ATP1B1: variants seen among roughly 807,000 people sequenced by gnomAD.
ATP1B1 encodes ATPase Na+/K+ transporting subunit beta 1.
Under a neutral mutation model 39.6 loss-of-function variants are expected in ATP1B1, and 3 were observed. That is an observed-to-expected ratio of 0.08 (90% CI 0.03 to 0.20). The LOEUF (loss-of-function observed/expected upper bound fraction) is 0.20, where lower values mean the gene tolerates loss of function less well. Among genes scored for constraint, ATP1B1 ranks in the 10% least tolerant of loss-of-function variants. The pLI is 1.00. For synonymous variants in ATP1B1, 139 were observed against 135.0 expected, an observed-to-expected ratio of 1.03 and a Z score of -0.20; for missense variants, 216 against 371.1, an observed-to-expected ratio of 0.58 and a Z score of 3.43.
intron 2 of ATP1B1, among the ~76,000 whole-genome samples, chr1:169,123,248 G>C (rs1658018637): frequency 6.6e-6 from 1 of 152,036 alleles, no homozygotes; most frequent in African/African-American, 2.4e-5. Flanking sequence ...GTAAGCCAAG[G>C]GTGTTTAAAG....
chr1:169,132,253 G>A lies in ATP1B1; in HGVS notation c.*698G>A. 1.6e-6 allele frequency: 1 copy of A among 618,666 alleles called. No individual in the cohort carries two copies. The highest frequency in any genetic ancestry group is 2.9e-5 in the East Asian group (1 of 34,378). The allele number at this position is 618,666 out of a possible 1,614,324, so 38.3% of individuals were successfully genotyped here. A position where few individuals can be genotyped will look rare whatever the true frequency, so the allele number is the denominator to read the frequency against. ...TTGTGTTATGCTTGTATTGAATGCT[G>A]TCTTGACATCTCTTGCCTTGTCCTC... is the stretch of plus-strand genomic sequence containing the variant. On this transcript the variant is annotated 3_prime_UTR_variant, in exon 6 of 6. Coordinates refer to ENST00000367815, the MANE Select transcript of ATP1B1 (RefSeq NM_001677.4).
intron 1 of ATP1B1, chr1:169,108,115 G>A (rs1238831362): frequency 6.6e-6 from 1 of 152,138 alleles, no homozygotes; most frequent in Non-Finnish European, 1.5e-5. Context: ...CAGCCTGTGA[G>A]TCTCTCTTGA....
At chr1:169,107,076 C>T (rs746063893) in intron 1 of ATP1B1, 150 bp downstream of exon 1, 34 of 700,594 alleles carry the variant, frequency 4.9e-5, no homozygotes, top group Non-Finnish European at 7.2e-5. Flanking sequence ...GTCGCGCCGG[C>T]CTGGGCTTGC....
At chr1:169,107,504 C>T (rs996352372) in intron 1 of ATP1B1, among the ~76,000 whole-genome samples, 3 of 152,134 alleles carry the variant, frequency 2.0e-5, no homozygotes, top group Admixed American at 1.3e-4. Context: ...CATCACCACC[C>T]AGAAATGGTT....
At chr1:169,110,567 CTTTTTTTT>C in intron 1 of ATP1B1, 10 of 433,824 alleles carry the variant, frequency 2.3e-5, no homozygotes, top group East Asian at 1.2e-4. Flanking sequence ...TGTGTTGAGT[CTTTTTTTT>C]TTTTTTTTTT....
intron 1 of ATP1B1, among the ~76,000 whole-genome samples, chr1:169,108,637 A>G (rs897620505): frequency 1.3e-4 from 20 of 152,166 alleles, no homozygotes; most frequent in African/African-American, 4.8e-4. Flanking sequence ...CTTGCTTTAG[A>G]GGGTAAGGCA....
intron 2 of ATP1B1, among the ~76,000 whole-genome samples, chr1:169,117,527 C>G (rs1281826060): frequency 6.6e-6 from 1 of 152,092 alleles, no homozygotes. Context: ...GAACAGAGAC[C>G]TGATAAGTAG....
chr1:169,107,602 T>C (rs1657626884), intron 1 of ATP1B1, among the ~76,000 whole-genome samples: 1 of 152,144 alleles, frequency 6.6e-6, no homozygotes, highest in African/African-American at 2.4e-5. Context: ...CACAGACAGT[T>C]GTGGATCAGT....
rs532073848 is a variant in ATP1B1 at position 169,127,720 on chromosome 1, T to C, written c.567+312T>C. ...CTATAACATAAACTCTTTAAAAAAG[T>C]AAAAATGGAAAAATATATTTTTTCC... On this transcript the variant is annotated intron_variant, in intron 4 of 5. Transcript: ENST00000367815. Among the ~76,000 whole-genome samples the C allele has an allele frequency of 1.0e-3, 155 of 151,952 alleles. 1 individual carries two copies. Among genetic ancestry groups the C allele is most frequent in the African/African-American group, 3.5e-3 (145 of 41,440 alleles).
Position 169,131,640 on chromosome 1 carries a change from G to A in ATP1B1, c.*85G>A, listed in dbSNP as rs761596404. On this transcript the variant is annotated 3_prime_UTR_variant, in exon 6 of 6. Transcript: ENST00000367815. The surrounding 1 kb of genome is among the most constrained non-coding windows in gnomAD (Gnocchi z 4.4). ...AAAACCTACTAGTCTTGAACAAACTGTCATACGTATGGGACCTACACTTAA... is the reference window on the plus strand; with the variant it reads ...AAAACCTACTAGTCTTGAACAAACTATCATACGTATGGGACCTACACTTAA... 11 of 1,458,130 alleles carry A rather than the reference G, an allele frequency of 7.5e-6. No homozygotes were observed. Among genetic ancestry groups the A allele is most frequent in the Non-Finnish European group, 1.0e-5 (11 of 1,081,704 alleles). 90.3% of individuals were successfully genotyped at this position (1,458,130 alleles called of 1,614,324 possible).
intron 1 of ATP1B1, among the ~76,000 whole-genome samples, chr1:169,107,483 TCC>T (rs939563230): frequency 6.6e-6 from 1 of 152,084 alleles, no homozygotes; most frequent in Non-Finnish European, 1.5e-5. Context: ...CTCCATGACC[TCC>T]CCTGGAGTCA....
rs1442610738 is a variant in ATP1B1, at chr1:169,131,451, A to G, written c.808A>G (p.Thr270Ala). ...ACAGTTCACCAATCTTACCATGGAC[A>G]CTGAAATTCGCATAGAGTGTAAGGC... ...AVQFTNLTMD[T>A]EIRIECKAYG... The change falls in exon 6 of 6, where the codon ACT becomes GCT. Residue 270 changes from threonine (T) to alanine (A), a missense_variant. By Grantham distance (58) the Thr-to-Ala change is moderately conservative (BLOSUM62 0). Transcript: ENST00000367815. The surrounding 1 kb of genome is among the most constrained non-coding windows in gnomAD (Gnocchi z 4.4). 28 of 1,614,066 alleles carry G rather than the reference A, an allele frequency of 1.7e-5. No individual in the cohort carries two copies. Among genetic ancestry groups the G allele is most frequent in the Non-Finnish European group, 2.2e-5 (26 of 1,180,046 alleles).
In ATP1B1 at chr1:169,132,061, G is replaced by A; in HGVS notation, c.*506G>A. On this transcript the variant is annotated 3_prime_UTR_variant, in exon 6 of 6. Coordinates refer to ENST00000367815, the MANE Select transcript of ATP1B1 (RefSeq NM_001677.4). ...TTTTTTGTTTTTTGGCTCTTTCAAAGGTAATGGCCCATCGATGAGCATTTT... is the reference window on the plus strand; with the variant it reads ...TTTTTTGTTTTTTGGCTCTTTCAAAAGTAATGGCCCATCGATGAGCATTTT... 1 of 244,636 alleles carries A rather than the reference G, an allele frequency of 4.1e-6. No individual in the cohort carries two copies. Among genetic ancestry groups the A allele is most frequent in the Non-Finnish European group, 7.8e-6 (1 of 128,028 alleles). 15.2% of individuals were successfully genotyped at this position (244,636 alleles called of 1,614,324 possible).
Position 169,106,790 on chromosome 1 carries a change from C to G in ATP1B1, c.-40C>G, listed in dbSNP as rs933729542. On this transcript the variant is annotated 5_prime_UTR_variant, in exon 1 of 6. Coordinates refer to ENST00000367815, the MANE Select transcript of ATP1B1 (RefSeq NM_001677.4). ...ACGCCAGGGCGCGCGCCGCAGCCAC[C>G]CACCCTCCGGACCGCGGCAGCTGCT... The G allele has an allele frequency of 6.5e-7, 1 of 1,533,200 alleles. No homozygotes were observed. Among genetic ancestry groups the G allele is most frequent in the African/African-American group, 1.4e-5 (1 of 69,770 alleles). The allele number at this position is 1,533,200 out of a possible 1,614,324, so 95.0% of individuals were successfully genotyped here. A position where few individuals can be genotyped will look rare whatever the true frequency, so the allele number is the denominator to read the frequency against.
At chr1:169,123,668 C>G (rs1049191213) in intron 2 of ATP1B1, among the ~76,000 whole-genome samples, 1 of 151,054 alleles carries the variant, frequency 6.6e-6, no homozygotes, top group African/African-American at 2.4e-5. Flanking sequence ...TCTCTGTCAC[C>G]CAGACTGGAG....
chr1:169,115,620 A>G (rs2101779969), intron 2 of ATP1B1, among the ~76,000 whole-genome samples: 1 of 152,224 alleles, frequency 6.6e-6, no homozygotes, highest in South Asian at 2.1e-4. Context: ...AAGTGCTGGG[A>G]TTACAGGCGT....
rs538315994 is a variant in ATP1B1 at position 169,121,436 on chromosome 1, CT to C, written c.227-3447del. On this transcript the variant is annotated intron_variant, in intron 2 of 5. Coordinates refer to ENST00000367815, the MANE Select transcript of ATP1B1 (RefSeq NM_001677.4). ...ATGTTTTGAGTCTGACACATGTCCC[CT>C]GGTCACTTTTAATAGTGGAAACCGT... is the stretch of plus-strand genomic sequence containing the variant. 1.9e-3 allele frequency among the ~76,000 whole-genome samples: 286 copies of C among 152,300 alleles called. 2 individuals carry two copies. The highest frequency in any genetic ancestry group is 6.6e-3 in the African/African-American group (275 of 41,554).
intron 1 of ATP1B1, 83 bp downstream of exon 1, chr1:169,107,009 T>G (rs2101769546): frequency 2.3e-6 from 3 of 1,320,644 alleles, no homozygotes; most frequent in Non-Finnish European, 2.1e-6. Context: ...CCGCGGCCGG[T>G]TCCGCACCCA....
intron 2 of ATP1B1, among the ~76,000 whole-genome samples, chr1:169,113,458 AT>A (rs1269371825): frequency 1.3e-5 from 2 of 152,148 alleles, no homozygotes; most frequent in Admixed American, 1.3e-4. Flanking sequence ...AAAAAAAAAA[AT>A]GGTCCTTGAC....
Sources: allele counts gnomAD v4.1 joint callset (sites outside exome capture counted in the v4.1 genomes callset), GRCh38; gene constraint gnomAD v4.1.1; non-coding constraint Gnocchi (gnomAD v3.1); transcripts MANE v1.5; gene names NCBI Gene and HGNC (gene_info 2026-07-23, HGNC 2026-07-21).